Variants in RFX3 observed in about 807,000 individuals in gnomAD.
RFX3 encodes transcription factor RFX3.
A neutral mutation model predicts 98.6 loss-of-function variants in RFX3; 14 were observed. That is an observed-to-expected ratio of 0.14 (90% CI 0.09 to 0.22). The LOEUF (loss-of-function observed/expected upper bound fraction) is 0.22. Among genes scored for constraint, RFX3 ranks in the 10% least tolerant of loss-of-function variants. RFX3 has a pLI of 1.00. For synonymous variants in RFX3, 383 were observed against 328.4 expected (o/e 1.17, Z -1.80); for missense variants, 639 against 926.9 (o/e 0.69, Z 4.03).
intron 1 of RFX3, among the ~76,000 whole-genome samples, chr9:3,447,607 C>A (rs1015622576): frequency 2.6e-5 from 4 of 152,100 alleles, no homozygotes; most frequent in Middle Eastern, 3.2e-3. Context: ...AAGGAGGTAA[C>A]CGACTTCTTA....
chr9:3,495,016 T>C (rs1851002490), intron 1 of RFX3, among the ~76,000 whole-genome samples: 1 of 152,034 alleles, frequency 6.6e-6, no homozygotes, highest in African/African-American at 2.4e-5. Flanking sequence ...CTAGTAATTC[T>C]ATCAATATGA....
chr9:3,401,452 C>T (rs1032842878), intron 1 of RFX3, among the ~76,000 whole-genome samples: 8 of 152,214 alleles, frequency 5.3e-5, no homozygotes, highest in Non-Finnish European at 8.8e-5. Context: ...TCCCATTCAT[C>T]CAGCAGTGGT....
chr9:3,385,979 C>G (rs974000392), intron 2 of RFX3, among the ~76,000 whole-genome samples: 1 of 151,976 alleles, frequency 6.6e-6, no homozygotes, highest in African/African-American at 2.4e-5. Flanking sequence ...TTTTTTCAAA[C>G]GACTGATGAC....
chr9:3,511,229 A>T (rs1325608331), intron 1 of RFX3, among the ~76,000 whole-genome samples: 1 of 152,032 alleles, frequency 6.6e-6, no homozygotes, highest in Non-Finnish European at 1.5e-5. Flanking sequence ...ATCAGCTTTT[A>T]AAAAGATTTA....
chr9:3,391,408 G>A (rs1359885693), intron 2 of RFX3, among the ~76,000 whole-genome samples: 7 of 152,154 alleles, frequency 4.6e-5, no homozygotes, highest in African/African-American at 1.7e-4. Context: ...AGGGTCTCCA[G>A]GCAAATATCA....
intron 4 of RFX3, among the ~76,000 whole-genome samples, chr9:3,319,418 G>A (rs567518042): frequency 1.3e-5 from 2 of 152,158 alleles, no homozygotes; most frequent in East Asian, 1.9e-4. Flanking sequence ...AAATAGGTAG[G>A]TAACGGACAT....
At chr9:3,413,542 C>G (rs2132216334) in intron 1 of RFX3, among the ~76,000 whole-genome samples, 1 of 152,118 alleles carries the variant, frequency 6.6e-6, no homozygotes, top group East Asian at 1.9e-4. Context: ...CTTAACAAGA[C>G]AATACAAAAA....
At chr9:3,287,058 T>C (rs533783014) in intron 7 of RFX3, among the ~76,000 whole-genome samples, 1 of 151,902 alleles carries the variant, frequency 6.6e-6, no homozygotes, top group Non-Finnish European at 1.5e-5. Flanking sequence ...CCATTCTCCA[T>C]GTGCCTCCCC....
At chr9:3,414,284 A>G (rs1258094966) in intron 1 of RFX3, among the ~76,000 whole-genome samples, 1 of 152,114 alleles carries the variant, frequency 6.6e-6, no homozygotes, top group East Asian at 1.9e-4. Flanking sequence ...AAGTTAAAAG[A>G]AACAAAATTT....
At chr9:3,347,186 C>A (rs1168696611) in intron 2 of RFX3, among the ~76,000 whole-genome samples, 1 of 152,012 alleles carries the variant, frequency 6.6e-6, no homozygotes, top group African/African-American at 2.4e-5. Context: ...CTGGGTGTGG[C>A]GGCATGCGCC....
chr9:3,266,296 G>T lies in RFX3; in HGVS notation c.1367C>A (p.Thr456Asn). 5 of 1,606,368 alleles carry T rather than the reference G, an allele frequency of 3.1e-6. No individual in the cohort carries two copies. The highest frequency in any genetic ancestry group is 3.4e-6 in the Non-Finnish European group (4 of 1,174,050). ...TTTTGCAAAATTTCGAATGGCTTGG[G>T]TCAAGGCACCTAAACATTAAAGAAT... ...DVLRPIPSAL[T>N]QAIRNFAKSL... is the part of the protein sequence containing the mutation. Residue 456 changes from threonine (T) to asparagine (N), a missense_variant, in exon 12 of 17, where the codon ACC (threonine) becomes AAC (asparagine). Physicochemically the swap from Thr to Asn is moderately conservative, Grantham distance 65 (BLOSUM62 0). Coordinates refer to ENST00000617270, the MANE Select transcript of RFX3 (RefSeq NM_001282116.2).
At chr9:3,525,085 A>G (rs1425784529) in intron 1 of RFX3, among the ~76,000 whole-genome samples, 1 of 151,904 alleles carries the variant, frequency 6.6e-6, no homozygotes, top group Non-Finnish European at 1.5e-5. Flanking sequence ...AAAAAAGAAA[A>G]CCATGAAGCT....
At position 3,495,210 on chromosome 9, in the gene RFX3, T is replaced by C. The variant is rs929143492; in HGVS notation, c.-9+30537A>G. Among the ~76,000 whole-genome samples, 3 of 151,946 alleles carry C rather than the reference T, an allele frequency of 2.0e-5. No homozygotes were observed. The South Asian group carries it at 6.2e-4, about 31-fold the overall frequency. On this transcript the variant is annotated intron_variant, in intron 1 of 16. Coordinates refer to ENST00000617270, the MANE Select transcript of RFX3 (RefSeq NM_001282116.2). ...TAACCATAAAGCAAGAACTTCTCCA[T>C]TTTTAGGAAAAAAAAATTCTATGTA...
intron 3 of RFX3, among the ~76,000 whole-genome samples, chr9:3,339,442 A>C (rs1241361942): frequency 1.3e-5 from 2 of 152,228 alleles, no homozygotes; most frequent in African/African-American, 4.8e-5. Flanking sequence ...TTTTCACCAG[A>C]GGAAAAAACA....
chr9:3,385,916 T>A (rs1839667630), intron 2 of RFX3, among the ~76,000 whole-genome samples: 1 of 152,108 alleles, frequency 6.6e-6, no homozygotes, highest in African/African-American at 2.4e-5. Flanking sequence ...ACTATTATAT[T>A]TTATGAGGTA....
intron 1 of RFX3, among the ~76,000 whole-genome samples, chr9:3,417,149 T>C (rs192626176): frequency 2.6e-5 from 4 of 152,106 alleles, no homozygotes; most frequent in Non-Finnish European, 4.4e-5. Flanking sequence ...ATCAAGAGAA[T>C]ATAACAATCC....
rs531104848 is a variant in RFX3 at position 3,506,250 on chromosome 9, G to A, written c.-9+19497C>T. 1.1e-3 allele frequency among the ~76,000 whole-genome samples: 173 copies of A among 150,598 alleles called. 2 individuals carry two copies. Among genetic ancestry groups the A allele is most frequent in the Non-Finnish European group, 1.7e-3 (117 of 67,610 alleles). ...AAAGGTTTTTCAGGGTAAAGTCTCT[G>A]TAGCAGACATAAAGGCAGATAATCA... On this transcript the variant is annotated intron_variant, in intron 1 of 16. Transcript: ENST00000617270.
At chr9:3,271,783 G>A (rs1280877725) in intron 9 of RFX3, among the ~76,000 whole-genome samples, 1 of 152,174 alleles carries the variant, frequency 6.6e-6, no homozygotes, top group Non-Finnish European at 1.5e-5. Flanking sequence ...TTTGTCTAAG[G>A]CAGCTGACCA....
Position 3,224,996 on chromosome 9 carries a change from T to A in RFX3, c.*46A>T. The A allele has an allele frequency of 6.4e-7, 1 of 1,573,290 alleles. No homozygotes were observed. Among genetic ancestry groups the A allele is most frequent in the Non-Finnish European group, 8.7e-7 (1 of 1,147,836 alleles). ...TATTAAATTTTCAACTTAAGCCCAA[T>A]ATCAACAGGGTTAATGTAAGCTGGA... On this transcript the variant is annotated 3_prime_UTR_variant, in exon 17 of 17. Coordinates refer to ENST00000617270, the MANE Select transcript of RFX3 (RefSeq NM_001282116.2).
Sources: allele counts gnomAD v4.1 joint callset (sites outside exome capture counted in the v4.1 genomes callset), GRCh38; gene constraint gnomAD v4.1.1; transcripts MANE v1.5; gene names NCBI Gene and HGNC (gene_info 2026-07-23, HGNC 2026-07-21).